The following OTOGL variants were observed in gnomAD, a reference collection of about 807,000 sequenced individuals.
OTOGL encodes the protein otogelin like.
Under a neutral mutation model 318.5 loss-of-function variants are expected in OTOGL, and 285 were observed. The ratio of observed to expected loss-of-function variants is 0.89; its 90% CI spans 0.81 to 0.99. The LOEUF (loss-of-function observed/expected upper bound fraction) is 0.99, where lower values mean the gene tolerates loss of function less well. Among genes scored for constraint, OTOGL ranks in the 50% least tolerant of loss-of-function variants. The pLI is 0.00. For missense variants in OTOGL, 2,899 were observed against 2,845.6 expected (o/e 1.02, Z -0.43); for synonymous variants, 987 against 936.5 (o/e 1.05, Z -0.99).
At chr12:80,150,294 C>G (rs1243976000) in intron 1 of OTOGL, among the ~76,000 whole-genome samples, 1 of 152,114 alleles carries the variant, frequency 6.6e-6, no homozygotes, top group Non-Finnish European at 1.5e-5. Flanking sequence ...AAATGGTTTT[C>G]TTTCTATGCA....
chr12:80,110,419 A>C (rs905730871), intron 1 of OTOGL, among the ~76,000 whole-genome samples: 1 of 151,990 alleles, frequency 6.6e-6, no homozygotes, highest in East Asian at 1.9e-4. Context: ...CCATCACCTG[A>C]AAGGCCCCGG....
intron 1 of OTOGL, among the ~76,000 whole-genome samples, chr12:80,172,116 C>T (rs935152473): frequency 6.6e-6 from 1 of 152,084 alleles, no homozygotes; most frequent in African/African-American, 2.4e-5. Context: ...TCTTTAAAGA[C>T]TTTCCTTATG....
In OTOGL at chr12:80,356,899, T is replaced by G; in HGVS notation, c.6004T>G (p.Phe2002Val). Residue 2002 changes from phenylalanine (F) to valine (V), a missense_variant, in exon 49 of 59, where the codon TTT becomes GTT. Physicochemically the swap from Phe to Val is conservative, Grantham distance 50. This residue lies in a region of OTOGL where 2,607 missense variants were observed against 2,524.9 expected (regional missense o/e 1.03). Transcript: ENST00000547103. ...AGTTCGACAGGAAGAACCTTGTTGT[T>G]TTTCCCCTTTTTGTGGTGAGTATTG... ...IQVRQEEPCC[F>V]SPFCVCESCT... is the part of the protein sequence containing the mutation. The G allele has an allele frequency of 6.3e-7, 1 of 1,587,932 alleles. No homozygotes were observed. Among genetic ancestry groups the G allele is most frequent in the Non-Finnish European group, 8.6e-7 (1 of 1,166,666 alleles).
At chr12:80,329,841 T>G (rs977894469) in intron 37 of OTOGL, among the ~76,000 whole-genome samples, 1 of 152,210 alleles carries the variant, frequency 6.6e-6, no homozygotes, top group Non-Finnish European at 1.5e-5. Context: ...TGAGGAGATA[T>G]GATAAACAAG....
chr12:80,125,613 G>A (rs369292472), intron 1 of OTOGL, among the ~76,000 whole-genome samples: 1 of 152,190 alleles, frequency 6.6e-6, no homozygotes, highest in Non-Finnish European at 1.5e-5. Flanking sequence ...AGAAGGAATG[G>A]TACCAGCTCC....
intron 24 of OTOGL, among the ~76,000 whole-genome samples, chr12:80,275,591 CT>C (rs1240289523): frequency 6.6e-6 from 1 of 151,898 alleles, no homozygotes; most frequent in Non-Finnish European, 1.5e-5. Flanking sequence ...AGACGACTGA[CT>C]GCAATTTTGA....
At chr12:80,238,429 G>T (rs1880055924) in intron 9 of OTOGL, among the ~76,000 whole-genome samples, 1 of 151,836 alleles carries the variant, frequency 6.6e-6, no homozygotes, top group Admixed American at 6.6e-5. Flanking sequence ...ATTTTAATAA[G>T]GTTCTTACTA....
intron 46 of OTOGL, among the ~76,000 whole-genome samples, chr12:80,354,714 A>G (rs1889764126): frequency 6.6e-6 from 1 of 152,212 alleles, no homozygotes; most frequent in Middle Eastern, 3.2e-3. Flanking sequence ...CTTTGAGAAT[A>G]TACACATGTG....
chr12:80,119,975 G>A (rs543614817), intron 1 of OTOGL, among the ~76,000 whole-genome samples: 2 of 151,992 alleles, frequency 1.3e-5, no homozygotes, highest in Admixed American at 6.5e-5. Flanking sequence ...ATTTGTGTTT[G>A]TTTTCCTTTT....
intron 1 of OTOGL, among the ~76,000 whole-genome samples, chr12:80,136,954 T>C (rs926567750): frequency 6.6e-6 from 1 of 152,178 alleles, no homozygotes; most frequent in Non-Finnish European, 1.5e-5. Flanking sequence ...TCCCCATAAT[T>C]AGAATATTAC....
intron 38 of OTOGL, among the ~76,000 whole-genome samples, chr12:80,333,700 A>G (rs1159467260): frequency 1.3e-5 from 2 of 152,158 alleles, no homozygotes; most frequent in East Asian, 3.8e-4. Flanking sequence ...ATAAAATGTC[A>G]GAGGTGCTGG....
In OTOGL at chr12:80,251,713, A is replaced by G. The variant is rs772595017; in HGVS notation, c.1073A>G (p.Tyr358Cys). Residue 358 changes from tyrosine (Y) to cysteine (C), a missense_variant, in exon 12 of 59, where the codon TAT becomes TGT. By Grantham distance (194) the Tyr-to-Cys change is radical (BLOSUM62 -2). This residue lies in a region of OTOGL where 2,607 missense variants were observed against 2,524.9 expected (regional missense o/e 1.03). Coordinates refer to ENST00000547103, the MANE Select transcript of OTOGL (RefSeq NM_001378609.3). Reference protein sequence around the residue: ...DLCKTDDDETYCRAATEYARA... With the variant: ...DLCKTDDDETCCRAATEYARA... ...TCTAGAACTGATGATGATGAAACCT[A>G]TTGCCGAGCAGCCACTGAGTATGCT... 2.5e-6 allele frequency: 4 copies of G among 1,590,360 alleles called. No homozygotes were observed. Among genetic ancestry groups the G allele is most frequent in the South Asian group, 2.3e-5 (2 of 86,966 alleles).
At chr12:80,282,822 CCACCCT>C (rs796356775) in intron 26 of OTOGL, among the ~76,000 whole-genome samples, 35 of 151,966 alleles carry the variant, frequency 2.3e-4, no homozygotes, top group African/African-American at 7.7e-4. Context: ...TAAGTTACCT[CCACCCT>C]TGACTTTCTG....
At chr12:80,356,292 T>C (rs1889893674) in intron 47 of OTOGL, 124 bp from the exon 48 acceptor site, 1 of 716,690 alleles carries the variant, frequency 1.4e-6, no homozygotes. Context: ...TGTAAAAACA[T>C]GCATAATGAG....
In OTOGL at chr12:80,351,686, A is replaced by G. The variant is rs77088074; in HGVS notation, c.5266-609A>G. On this transcript the variant is annotated intron_variant, in intron 44 of 58. Transcript: ENST00000547103. Reference sequence around the variant, plus strand: ...GTCAGAATTTGGCATCTGAATTTAGATACTTAGTATGAGCCTGTTGAATAA... The same window carrying G: ...GTCAGAATTTGGCATCTGAATTTAGGTACTTAGTATGAGCCTGTTGAATAA... 4.1e-4 allele frequency among the ~76,000 whole-genome samples: 63 copies of G among 152,260 alleles called. No individual in the cohort carries two copies. The East Asian group carries it at 0.01, about 25-fold the overall frequency.
chr12:80,300,214 T>C (rs1236938586), intron 27 of OTOGL, among the ~76,000 whole-genome samples: 2 of 151,984 alleles, frequency 1.3e-5, no homozygotes, highest in Non-Finnish European at 2.9e-5. Flanking sequence ...TTTTTTTTTT[T>C]TTTAATCATC....
At chr12:80,223,718 G>T (rs1267051800) in intron 7 of OTOGL, among the ~76,000 whole-genome samples, 1 of 151,888 alleles carries the variant, frequency 6.6e-6, no homozygotes, top group Non-Finnish European at 1.5e-5. Context: ...TTGGCCATTT[G>T]TATACCTTCT....
Position 80,321,022 on chromosome 12 carries a change from C to T in OTOGL, c.4081+322C>T, listed in dbSNP as rs141773884. 2.6e-4 allele frequency among the ~76,000 whole-genome samples: 39 copies of T among 152,260 alleles called. 1 individual carries two copies. The East Asian group carries it at 7.4e-3, about 29-fold the overall frequency. Reference sequence around the variant, plus strand: ...CTGTCTGGACATTGGAATCAGGGCTCACTCATGTGGCTTAGTTGTCTAATG... The same window carrying T: ...CTGTCTGGACATTGGAATCAGGGCTTACTCATGTGGCTTAGTTGTCTAATG... On this transcript the variant is annotated intron_variant, in intron 34 of 58. Coordinates refer to ENST00000547103, the MANE Select transcript of OTOGL (RefSeq NM_001378609.3).
At chr12:80,322,892 T>A (rs982277122) in intron 34 of OTOGL, among the ~76,000 whole-genome samples, 1 of 152,232 alleles carries the variant, frequency 6.6e-6, no homozygotes, top group Admixed American at 6.5e-5. Flanking sequence ...ATGTATTTGG[T>A]CTTGCCATTT....
Sources: allele counts gnomAD v4.1 joint callset (sites outside exome capture counted in the v4.1 genomes callset), GRCh38; gene constraint gnomAD v4.1.1; regional missense constraint gnomAD v4.1.1; transcripts MANE v1.5; gene names NCBI Gene and HGNC (gene_info 2026-07-23, HGNC 2026-07-21).